The following CPPED1 variants were observed in gnomAD, a reference collection of about 807,000 sequenced individuals.
CPPED1 encodes the protein serine/threonine-protein phosphatase CPPED1.
In CPPED1, 28 loss-of-function variants were observed where a neutral mutation model predicts 28.0. That is an observed-to-expected ratio of 1.00 (90% confidence interval 0.74 to 1.37). The LOEUF (loss-of-function observed/expected upper bound fraction) is 1.37. Among genes scored for constraint, CPPED1 ranks in the 40% most tolerant of loss-of-function variants. The pLI, the probability that CPPED1 is intolerant of heterozygous loss-of-function variation, is 0.00. For missense variants in CPPED1, 504 were observed against 416.5 expected (o/e 1.21, Z -1.83); for synonymous variants, 198 against 180.2 (o/e 1.10, Z -0.79).
At chr16:12,676,379 C>A (rs537978886) in intron 3 of CPPED1, among the ~76,000 whole-genome samples, 1 of 152,132 alleles carries the variant, frequency 6.6e-6, no homozygotes, top group Non-Finnish European at 1.5e-5. Context: ...ATGCAGAAAT[C>A]GACATCACTC....
At chr16:12,778,495 T>G (rs4500713) in intron 2 of CPPED1, among the ~76,000 whole-genome samples, 1 of 151,768 alleles carries the variant, frequency 6.6e-6, no homozygotes, top group Non-Finnish European at 1.5e-5. Flanking sequence ...AGGCTGGTCT[T>G]GAATTCCTGA....
chr16:12,674,344 G>T (rs921364522), intron 3 of CPPED1, among the ~76,000 whole-genome samples: 1 of 152,188 alleles, frequency 6.6e-6, no homozygotes, highest in Non-Finnish European at 1.5e-5. Context: ...GGCTCAAGGA[G>T]TCTGAAACGA....
At chr16:12,794,142 G>C (rs573887077) in intron 1 of CPPED1, among the ~76,000 whole-genome samples, 3 of 152,168 alleles carry the variant, frequency 2.0e-5, no homozygotes, top group African/African-American at 7.2e-5. Flanking sequence ...GAAGCTGCCA[G>C]AATGGTATGC....
intron 1 of CPPED1, among the ~76,000 whole-genome samples, chr16:12,785,417 A>G (rs1596484721): frequency 6.8e-6 from 1 of 147,386 alleles, no homozygotes; most frequent in Non-Finnish European, 1.5e-5. Context: ...ACCCAGACAA[A>G]CGTGAATTCT....
At chr16:12,798,951 A>G (rs1057050621) in intron 1 of CPPED1, among the ~76,000 whole-genome samples, 2 of 152,204 alleles carry the variant, frequency 1.3e-5, no homozygotes, top group Admixed American at 6.5e-5. Context: ...AGAGCCTAGC[A>G]CATTATGTTA....
intron 3 of CPPED1, among the ~76,000 whole-genome samples, chr16:12,702,502 C>T (rs1254102239): frequency 6.6e-6 from 1 of 152,116 alleles, no homozygotes; most frequent in East Asian, 1.9e-4. Flanking sequence ...CACGCCACTG[C>T]ACGCCAGCCT....
intron 3 of CPPED1, among the ~76,000 whole-genome samples, chr16:12,674,436 G>A (rs564909856): frequency 6.6e-6 from 1 of 152,164 alleles, no homozygotes; most frequent in South Asian, 2.1e-4. Flanking sequence ...TGAGTTTCCA[G>A]ACGTGGGGGT....
At position 12,742,855 on chromosome 16, in the gene CPPED1, A is replaced by G. The variant is rs144237814; in HGVS notation, c.290-37806T>C. On this transcript the variant is annotated intron_variant, in intron 2 of 3. Transcript: ENST00000381774. ...TGATTTATCTCAGCAAAAGGACAAA[A>G]AACGAGATCAGCAAAGGGACTGGAG... 5.5e-3 allele frequency among the ~76,000 whole-genome samples: 845 copies of G among 152,304 alleles called. 5 individuals are homozygous for G. Among genetic ancestry groups the G allele is most frequent in the Middle Eastern group, 0.031 (9 of 294 alleles).
At chr16:12,774,479 G>A (rs1028694905) in intron 2 of CPPED1, among the ~76,000 whole-genome samples, 10 of 150,646 alleles carry the variant, frequency 6.6e-5, no homozygotes, top group African/African-American at 2.0e-4. Context: ...AAAAAAAAAA[G>A]TTCCCTCCAG....
intron 1 of CPPED1, among the ~76,000 whole-genome samples, chr16:12,791,904 C>T (rs755013501): frequency 9.2e-5 from 14 of 151,814 alleles, no homozygotes; most frequent in Non-Finnish European, 2.1e-4. Flanking sequence ...CCCACTCATC[C>T]ACTCATTCTA....
chr16:12,727,404 G>A (rs1019598735), intron 2 of CPPED1, among the ~76,000 whole-genome samples: 2 of 152,152 alleles, frequency 1.3e-5, no homozygotes, highest in East Asian at 3.8e-4. Context: ...CCAGGCTGGA[G>A]TGCAGTGGCA....
At chr16:12,706,791 C>A (rs12443898) in intron 2 of CPPED1, among the ~76,000 whole-genome samples, 30,475 of 152,050 alleles carry the variant, frequency 0.2, 3,148 homozygotes, top group Middle Eastern at 0.25. Context: ...CCACAGGAGG[C>A]TGAGCAGACT....
rs2141161354 is a variant in CPPED1, at chr16:12,662,809, T to A, written c.*2077A>T. On this transcript the variant is annotated 3_prime_UTR_variant, in exon 4 of 4. Coordinates refer to ENST00000381774, the MANE Select transcript of CPPED1 (RefSeq NM_018340.3). ...ATGTGATTCCCTTTTCTTTGCATATTCTTGGGGTACTTTTGAATCAGTTCT... is the reference window on the plus strand; with the variant it reads ...ATGTGATTCCCTTTTCTTTGCATATACTTGGGGTACTTTTGAATCAGTTCT... The A allele has an allele frequency of 6.6e-6, 1 of 152,352 alleles. No homozygotes were observed. The highest frequency in any genetic ancestry group is 1.9e-4 in the East Asian group (1 of 5,194). The allele number at this position is 152,352 out of a possible 1,614,324, so 9.4% of individuals were successfully genotyped here. A position where few individuals can be genotyped will look rare whatever the true frequency, so the allele number is the denominator to read the frequency against.
At chr16:12,740,216 G>A (rs1221349706) in intron 2 of CPPED1, among the ~76,000 whole-genome samples, 1 of 152,056 alleles carries the variant, frequency 6.6e-6, no homozygotes, top group African/African-American at 2.4e-5. Context: ...GGAGGCTGAG[G>A]TGGGCGGGTA....
rs563291452 is a variant in CPPED1, at chr16:12,720,030, C to T, written c.290-14981G>A. ...GCACACACACACACACATACACACA[C>T]ACCTATCTGTTTTTATCAGGCCATT... On this transcript the variant is annotated intron_variant, in intron 2 of 3. Transcript: ENST00000381774. 3.9e-5 allele frequency among the ~76,000 whole-genome samples: 6 copies of T among 152,308 alleles called. No homozygotes were observed. In the East Asian group the frequency reaches 1.2e-3, roughly 29 times the overall value.
rs533717576 is a variant in CPPED1 at position 12,760,952 on chromosome 16, G to A, written c.289+20233C>T. On this transcript the variant is annotated intron_variant, in intron 2 of 3. Coordinates refer to ENST00000381774, the MANE Select transcript of CPPED1 (RefSeq NM_018340.3). ...ATAGTGACAGATCATTTTGTACTAC[G>A]TAGGTACAGATCCAAAGGGCATCTT... 1.8e-4 allele frequency: 27 copies of A among 152,270 alleles called. No individual in the cohort carries two copies. In the East Asian group the frequency reaches 4.2e-3, roughly 24 times the overall value. 9.4% of individuals were successfully genotyped at this position (152,270 alleles called of 1,614,324 possible).
chr16:12,778,906 A>G (rs1048730858), intron 2 of CPPED1, among the ~76,000 whole-genome samples: 2 of 152,230 alleles, frequency 1.3e-5, no homozygotes, highest in African/African-American at 4.8e-5. Flanking sequence ...TGCATGTAAA[A>G]TTCACGTTCA....
At chr16:12,788,470 C>T (rs932328254) in intron 1 of CPPED1, among the ~76,000 whole-genome samples, 35 of 152,122 alleles carry the variant, frequency 2.3e-4, no homozygotes, top group African/African-American at 6.3e-4. Flanking sequence ...CACAGAAGCC[C>T]GCCTTTTCCT....
rs754347682 is a variant in CPPED1, at chr16:12,682,489, G to A, written c.716-17374C>T. On this transcript the variant is annotated intron_variant, in intron 3 of 3. Transcript: ENST00000381774. This position sits in a 1 kb window ranked among gnomAD's most constrained non-coding sequence, Gnocchi z 6.1. ...GTTGTCAGAAAAGCAGTGGCAGCCT[G>A]GGGTGGGAGCTAGGGGTTGGGAGAC... Among the ~76,000 whole-genome samples the A allele has an allele frequency of 2.0e-5, 3 of 152,194 alleles. No individual in the cohort carries two copies. The highest frequency in any genetic ancestry group is 2.9e-5 in the Non-Finnish European group (2 of 68,034).
Sources: gnomAD v4.1 joint callset for allele counts (sites outside exome capture counted in the v4.1 genomes callset) on GRCh38, gnomAD v4.1.1 for gene constraint, Gnocchi (gnomAD v3.1) non-coding constraint, MANE v1.5 for transcripts, NCBI Gene and HGNC (gene_info 2026-07-23, HGNC 2026-07-21) for gene names.